PRKN: variants seen among roughly 807,000 people sequenced by gnomAD.
The protein encoded by PRKN is E3 ubiquitin-protein ligase parkin.
A neutral mutation model predicts 59.5 loss-of-function variants in PRKN; 56 were observed. The observed-to-expected ratio is 0.94, with a 90% CI of 0.76 to 1.18. PRKN has a LOEUF of 1.18. Among genes scored for constraint, PRKN ranks in the 50% most tolerant of loss-of-function variants. The pLI is 0.00. For missense variants in PRKN, 657 were observed against 596.4 expected (o/e 1.10, Z -1.06); for synonymous variants, 250 against 222.1 (o/e 1.13, Z -1.12).
At chr6:162,229,369 A>G (rs946338145) in intron 3 of PRKN, among the ~76,000 whole-genome samples, 6 of 152,196 alleles carry the variant, frequency 3.9e-5, no homozygotes, top group African/African-American at 1.4e-4. Context: ...AGATCACTCC[A>G]GAATGAGACC....
chr6:162,528,072 G>GGAGGTCGGGGGA (rs1436092910), intron 1 of PRKN, among the ~76,000 whole-genome samples: 1 of 65,224 alleles, frequency 1.5e-5, no homozygotes, highest in Non-Finnish European at 4.7e-5. Context: ...GGAGGGCGGG[G>GGAGGTCGGGGGA]GGGCGGGAGG....
At chr6:162,261,748 G>A (rs1249117233) in intron 3 of PRKN, among the ~76,000 whole-genome samples, 1 of 152,136 alleles carries the variant, frequency 6.6e-6, no homozygotes, top group East Asian at 1.9e-4. Flanking sequence ...TAAAGATGTT[G>A]TTTCTACATT....
chr6:162,708,261 G>A (rs1372224022), intron 1 of PRKN, among the ~76,000 whole-genome samples: 2 of 152,162 alleles, frequency 1.3e-5, no homozygotes, highest in African/African-American at 2.4e-5. Context: ...TCTGAAAACT[G>A]TATGAGAAAC....
chr6:161,353,265 TCTGA>T lies in PRKN; in HGVS notation c.1286-3058_1286-3055del, dbSNP rs1784631127. 6.6e-6 allele frequency among the ~76,000 whole-genome samples: 1 copy of T among 152,146 alleles called. No homozygotes were observed. Among genetic ancestry groups the T allele is most frequent in the Non-Finnish European group, 1.5e-5 (1 of 68,022 alleles). ...CAGGACTGGAACCATCCGCAGCTGT[TCTGA>T]CTGTGGGTTATAAGACCCGGATTTC... On this transcript the variant is annotated intron_variant, in intron 11 of 11. Coordinates refer to ENST00000366898, the MANE Select transcript of PRKN (RefSeq NM_004562.3). The surrounding 1 kb of genome is among the most constrained non-coding windows in gnomAD (Gnocchi z 4.8).
Position 161,593,070 on chromosome 6 carries a change from G to A in PRKN, c.872-23654C>T, listed in dbSNP as rs764729162. 2.0e-5 allele frequency among the ~76,000 whole-genome samples: 3 copies of A among 152,160 alleles called. No individual in the cohort carries two copies. Among genetic ancestry groups the A allele is most frequent in the Admixed American group, 1.3e-4 (2 of 15,284 alleles). On this transcript the variant is annotated intron_variant, in intron 7 of 11. Coordinates refer to ENST00000366898, the MANE Select transcript of PRKN (RefSeq NM_004562.3). The surrounding 1 kb of genome is among the most constrained non-coding windows in gnomAD (Gnocchi z 4.8). Reference sequence around the variant, plus strand: ...CGTCCTCAGATGCGCTGCACCCCACGTCCGCTGCTGTTAACATCCTACATA... The same window carrying A: ...CGTCCTCAGATGCGCTGCACCCCACATCCGCTGCTGTTAACATCCTACATA...
chr6:161,811,469 C>A (rs757533981), intron 6 of PRKN, among the ~76,000 whole-genome samples: 1 of 152,018 alleles, frequency 6.6e-6, no homozygotes, highest in East Asian at 1.9e-4. Flanking sequence ...GGTAGCTCAA[C>A]GGGAGAGGGC....
chr6:162,344,745 C>A (rs577428256), intron 2 of PRKN, among the ~76,000 whole-genome samples: 1 of 152,008 alleles, frequency 6.6e-6, no homozygotes, highest in East Asian at 1.9e-4. Context: ...GGCTTTCTAT[C>A]CAGGCTCCAT....
chr6:162,056,392 C>T lies in PRKN; in HGVS notation c.535-2218G>A, dbSNP rs567656347. ...ACTCACACACTCATGCATGCACACA[C>T]GCACTATTCTAGAGAAAAGTCGGGG... is the stretch of plus-strand genomic sequence containing the variant. On this transcript the variant is annotated intron_variant, in intron 4 of 11. Coordinates refer to ENST00000366898, the MANE Select transcript of PRKN (RefSeq NM_004562.3). The surrounding 1 kb of genome is among the most constrained non-coding windows in gnomAD (Gnocchi z 4.9). Among the ~76,000 whole-genome samples, 14 of 152,184 alleles carry T rather than the reference C, an allele frequency of 9.2e-5. No individual in the cohort carries two copies. Among genetic ancestry groups the T allele is most frequent in the African/African-American group, 3.1e-4 (13 of 41,536 alleles).
chr6:162,530,163 G>A (rs1295559757), intron 1 of PRKN, among the ~76,000 whole-genome samples: 1 of 151,122 alleles, frequency 6.6e-6, no homozygotes, highest in Non-Finnish European at 1.5e-5. Flanking sequence ...AAGTAAAAAA[G>A]TAGAGGCATT....
intron 2 of PRKN, among the ~76,000 whole-genome samples, chr6:162,361,350 A>G (rs143270503): frequency 3.4e-4 from 52 of 152,266 alleles, no homozygotes; most frequent in African/African-American, 1.0e-3. Context: ...GATTAGGGTT[A>G]GATGAGGTCA....
intron 4 of PRKN, among the ~76,000 whole-genome samples, chr6:162,100,862 G>A (rs1196897038): frequency 6.6e-6 from 1 of 151,914 alleles, no homozygotes; most frequent in Non-Finnish European, 1.5e-5. Context: ...TATACCTGTT[G>A]GCCATTTGTA....
At chr6:162,608,166 T>C (rs1479790229) in intron 1 of PRKN, among the ~76,000 whole-genome samples, 4 of 152,138 alleles carry the variant, frequency 2.6e-5, no homozygotes, top group East Asian at 3.9e-4. Flanking sequence ...AATGGTGTTA[T>C]TGAAGTTATG....
intron 7 of PRKN, among the ~76,000 whole-genome samples, chr6:161,633,998 ACACAC>A: frequency 2.0e-4 from 1 of 5,034 alleles, no homozygotes; most frequent in South Asian, 7.6e-3. Flanking sequence ...GAAAACTTAA[ACACAC>A]ACACACACAC....
At chr6:161,885,480 C>T (rs546799277) in intron 6 of PRKN, among the ~76,000 whole-genome samples, 289 of 152,094 alleles carry the variant, frequency 1.9e-3, no homozygotes, top group South Asian at 0.011. Flanking sequence ...CTGGCTAACA[C>T]AGTGAAACCC....
At chr6:162,109,944 G>A (rs1474489370) in intron 4 of PRKN, among the ~76,000 whole-genome samples, 7 of 152,074 alleles carry the variant, frequency 4.6e-5, no homozygotes, top group African/African-American at 1.7e-4. Flanking sequence ...AACATCATAT[G>A]CCAATTGCAT....
intron 6 of PRKN, among the ~76,000 whole-genome samples, chr6:161,799,426 C>T (rs970114346): frequency 6.6e-6 from 1 of 152,158 alleles, no homozygotes; most frequent in Non-Finnish European, 1.5e-5. Flanking sequence ...CAACTGCTGT[C>T]AAAAGCTGAA....
chr6:162,251,225 T>C (rs1426428650), intron 3 of PRKN, among the ~76,000 whole-genome samples: 1 of 152,084 alleles, frequency 6.6e-6, no homozygotes, highest in East Asian at 1.9e-4. Context: ...GTTAATAGGT[T>C]TAGATGAATG....
intron 4 of PRKN, among the ~76,000 whole-genome samples, chr6:162,200,663 C>CT (rs1267377134): frequency 3.9e-5 from 6 of 152,160 alleles, no homozygotes; most frequent in Non-Finnish European, 8.8e-5. Context: ...GATCCATACT[C>CT]TTTTTTTACT....
intron 2 of PRKN, among the ~76,000 whole-genome samples, chr6:162,272,428 T>C (rs1263847100): frequency 6.6e-6 from 1 of 152,210 alleles, no homozygotes; most frequent in Non-Finnish European, 1.5e-5. Flanking sequence ...ATATATATTT[T>C]ATTTGACAGA....
Sources: allele counts gnomAD v4.1 joint callset (sites outside exome capture counted in the v4.1 genomes callset), GRCh38; gene constraint gnomAD v4.1.1; non-coding constraint Gnocchi (gnomAD v3.1); transcripts MANE v1.5; gene names NCBI Gene and HGNC (gene_info 2026-07-23, HGNC 2026-07-21).